Variants in XKRX observed in about 807,000 individuals in gnomAD.
XKRX encodes XK related X-linked.
Under a neutral mutation model 22.4 loss-of-function variants are expected in XKRX, and 11 were observed. That is an observed-to-expected ratio of 0.49 (90% CI 0.31 to 0.81). The LOEUF (loss-of-function observed/expected upper bound fraction) is 0.81. XKRX is among the 40% of genes least tolerant of loss of function. XKRX has a pLI of 0.05. For missense variants in XKRX, 320 were observed against 336.5 expected, an observed-to-expected ratio of 0.95 and a Z score of 0.38; for synonymous variants, 114 against 132.2, an observed-to-expected ratio of 0.86 and a Z score of 0.94.
At chrX:100,907,525 A>G in the XKRX span, among the ~76,000 whole-genome samples, 1 of 111,890 alleles carries the variant, frequency 8.9e-6, no homozygotes, top group Non-Finnish European at 1.9e-5. Flanking sequence ...CATTCAGCAC[A>G]TGCTGTATGC....
At chrX:100,946,063 A>T in the XKRX span, among the ~76,000 whole-genome samples, 1 of 108,093 alleles carries the variant, frequency 9.3e-6, no homozygotes, top group Non-Finnish European at 1.9e-5. Context: ...GTGGGTGCCT[A>T]TAATCCCAGC....
the XKRX span, among the ~76,000 whole-genome samples, chrX:100,945,806 C>CAAAAAA: frequency 6.3e-5 from 2 of 31,844 alleles, no homozygotes; most frequent in African/African-American, 2.2e-4. Context: ...ATTCTGTCTC[C>CAAAAAA]AAAAAAAAAA....
chrX:100,888,321 A>G, the XKRX span: 15 of 696,167 alleles, frequency 2.2e-5, no homozygotes, highest in Non-Finnish European at 3.2e-5. Flanking sequence ...TCTTCTCTTG[A>G]GACAGTTCTC....
At chrX:100,943,272 C>T in the XKRX span, among the ~76,000 whole-genome samples, 2 of 112,216 alleles carry the variant, frequency 1.8e-5, no homozygotes, top group South Asian at 7.3e-4. Flanking sequence ...ATAATATAAC[C>T]TATAACATAA....
At chrX:100,926,426 T>G in intron 1 of XKRX, among the ~76,000 whole-genome samples, 1 of 112,471 alleles carries the variant, frequency 8.9e-6, no homozygotes, top group Middle Eastern at 4.6e-3. Flanking sequence ...AAAAAATTTT[T>G]TTGGCCTTAT....
the XKRX span, chrX:100,888,232 C>G: frequency 3.3e-6 from 3 of 905,569 alleles, no homozygotes; most frequent in South Asian, 5.9e-5. Context: ...AATCTCTTAG[C>G]TGATGTTTTT....
At chrX:100,902,547 A>C in the XKRX span, among the ~76,000 whole-genome samples, 1 of 111,893 alleles carries the variant, frequency 8.9e-6, no homozygotes, top group African/African-American at 3.2e-5. Flanking sequence ...TATATCAAGA[A>C]CAAGTGGGAT....
At chrX:100,929,473 C>T (rs1185607442), upstream of XKRX, 1 of 111,380 alleles carries the variant, frequency 9.0e-6, no homozygotes, top group African/African-American at 3.3e-5. Flanking sequence ...TTCTACCCCG[C>T]CCTCCCTAAC....
intron 1 of XKRX, among the ~76,000 whole-genome samples, chrX:100,924,720 A>T (rs1352912837): frequency 8.9e-6 from 1 of 112,282 alleles, no homozygotes; most frequent in Non-Finnish European, 1.9e-5. Flanking sequence ...CTTAGTAGGT[A>T]TTTGAGAAAT....
At chrX:100,915,709 CGTGT>C (rs1210429753) in intron 2 of XKRX, among the ~76,000 whole-genome samples, 2 of 55,636 alleles carry the variant, frequency 3.6e-5, no homozygotes, top group East Asian at 6.7e-4. Flanking sequence ...TGTGTGTGTG[CGTGT>C]GTGTGTGTGT....
At chrX:100,903,063 A>T in the XKRX span, among the ~76,000 whole-genome samples, 3 of 103,831 alleles carry the variant, frequency 2.9e-5, no homozygotes, top group East Asian at 5.9e-4. Context: ...ACATCTATTT[A>T]AAAAAAAAAA....
the XKRX span, among the ~76,000 whole-genome samples, chrX:100,945,912 A>G: frequency 9.1e-6 from 1 of 110,485 alleles, no homozygotes; most frequent in Non-Finnish European, 1.9e-5. Flanking sequence ...GCAGCCAGGC[A>G]TGGTGGCTCA....
downstream of XKRX, chrX:100,911,384 A>C: frequency 1.3e-6 from 1 of 792,500 alleles, no homozygotes; most frequent in Non-Finnish European, 2.0e-6. Flanking sequence ...AAATGTGAGC[A>C]AACTGGGACT....
chrX:100,932,733 G>A (rs1243714488), upstream of XKRX, among the ~76,000 whole-genome samples: 1 of 112,546 alleles, frequency 8.9e-6, no homozygotes, highest in Admixed American at 9.4e-5. Flanking sequence ...GGACAGAGAT[G>A]TGCAGCAAGT....
upstream of XKRX, among the ~76,000 whole-genome samples, chrX:100,932,306 A>T (rs927613736): frequency 9.0e-6 from 1 of 111,418 alleles, no homozygotes; most frequent in Non-Finnish European, 1.9e-5. Context: ...GATGCTGGAA[A>T]TGTTGGCAGT....
chrX:100,917,639 A>AAG (rs2085445296), intron 2 of XKRX, among the ~76,000 whole-genome samples: 1 of 39,138 alleles, frequency 2.6e-5, no homozygotes, highest in Non-Finnish European at 4.3e-5. Flanking sequence ...AGAAAGAAGA[A>AAG]AGAAAGAAAG....
At chrX:100,959,169 T>C in the XKRX span, among the ~76,000 whole-genome samples, 2 of 111,774 alleles carry the variant, frequency 1.8e-5, no homozygotes, top group Non-Finnish European at 3.8e-5. Context: ...CAGCTTGTTT[T>C]TCGAGAGAAT....
At chrX:100,958,287 C>A in the XKRX span, among the ~76,000 whole-genome samples, 1 of 111,872 alleles carries the variant, frequency 8.9e-6, no homozygotes, top group African/African-American at 3.2e-5. Flanking sequence ...ACCTTTTTAA[C>A]AGAGCATTTA....
the XKRX span, among the ~76,000 whole-genome samples, chrX:100,941,135 A>G: frequency 8.9e-6 from 1 of 112,329 alleles, no homozygotes; most frequent in Non-Finnish European, 1.9e-5. Context: ...TCTCAAGAGT[A>G]TATGCCTTGC....
Sources: gnomAD v4.1 joint callset for allele counts (sites outside exome capture counted in the v4.1 genomes callset) on GRCh38, gnomAD v4.1.1 for gene constraint, MANE v1.5 for transcripts, NCBI Gene and HGNC (gene_info 2026-07-23, HGNC 2026-07-21) for gene names.